TACC1: variants seen among roughly 807,000 people sequenced by gnomAD.
The protein encoded by TACC1 is transforming acidic coiled-coil-containing protein 1.
TACC1 carries 48 observed loss-of-function variants against 84.4 expected under a neutral mutation model. The observed-to-expected ratio is 0.57, with a 90% CI of 0.45 to 0.72. The LOEUF is 0.72. Ranked by LOEUF, TACC1 falls within the 30% of genes least tolerant of loss-of-function variation. The pLI, the probability that TACC1 is intolerant of heterozygous loss-of-function variation, is 0.00. For missense variants in TACC1, 920 were observed against 973.0 expected (o/e 0.95, Z 0.72); for synonymous variants, 372 against 376.3 (o/e 0.99, Z 0.13).
chr8:38,743,713 A>G (rs1807525927), intron 2 of TACC1, among the ~76,000 whole-genome samples: 1 of 152,084 alleles, frequency 6.6e-6, no homozygotes, highest in African/African-American at 2.4e-5. Flanking sequence ...ATATATGTTT[A>G]TTTTTCTCTC....
In TACC1 at chr8:38,819,627, A is replaced by T. The variant is rs2152204011; in HGVS notation, c.383A>T (p.Asp128Val). 1 of 1,614,204 alleles carries T rather than the reference A, an allele frequency of 6.2e-7. No individual in the cohort carries two copies. Among genetic ancestry groups the T allele is most frequent in the South Asian group, 1.1e-5 (1 of 91,078 alleles). ...SENEVPQQAI[D>V]SHSVKNFREE... ...AATGAAGTGCCACAGCAGGCCATTG[A>T]CTCTCACTCAGTCAAGAATTTCAGA... is the stretch of plus-strand genomic sequence containing the variant. The change falls in exon 3 of 13, where the codon GAC becomes GTC. Residue 128 changes from aspartate to valine, a missense_variant. This residue lies in a region of TACC1 where 762 missense variants were observed against 747.3 expected (regional missense o/e 1.02). Transcript: ENST00000317827.
rs895865954 is a variant in TACC1 at position 38,751,758 on chromosome 8, C to T, written c.26+6265C>T. ...GAGAAACCAAAAATTTTGTGTGATT[C>T]GCTATATTGCAATATTCACTTTATT... On this transcript the variant is annotated intron_variant, in intron 3 of 14. Coordinates refer to the TACC1 transcript ENST00000518415. Among the ~76,000 whole-genome samples, 6 of 151,602 alleles carry T rather than the reference C, an allele frequency of 4.0e-5. No homozygotes were observed. In the East Asian group the frequency reaches 5.8e-4, roughly 15 times the overall value.
intron 11 of TACC1, among the ~76,000 whole-genome samples, chr8:38,844,635 G>A (rs778110391): frequency 5.3e-5 from 8 of 151,676 alleles, no homozygotes; most frequent in Admixed American, 3.3e-4. Flanking sequence ...TATATATTAG[G>A]GACACCAGCC....
intron 3 of TACC1, among the ~76,000 whole-genome samples, chr8:38,776,456 G>C (rs1317646280): frequency 3.9e-5 from 6 of 152,186 alleles, no homozygotes; most frequent in Admixed American, 6.5e-5. Flanking sequence ...AGGACCAGAA[G>C]TGTTTCAGAT....
chr8:38,811,067 G>A (rs59103569), intron 2 of TACC1, among the ~76,000 whole-genome samples: 5,343 of 151,500 alleles, frequency 0.035, 309 homozygotes, highest in African/African-American at 0.12. Flanking sequence ...GGAGTGAGCC[G>A]GGATCACGCT....
chr8:38,802,003 T>C (rs1821485439), intron 2 of TACC1, among the ~76,000 whole-genome samples: 1 of 152,132 alleles, frequency 6.6e-6, no homozygotes, highest in Admixed American at 6.6e-5. Context: ...AGCCTCAACC[T>C]CCCAGGCTTA....
At chr8:38,746,894 G>T (rs1808188912) in intron 3 of TACC1, among the ~76,000 whole-genome samples, 1 of 151,958 alleles carries the variant, frequency 6.6e-6, no homozygotes, top group Admixed American at 6.6e-5. Context: ...AAGAAATGAA[G>T]AAACAAATGT....
At chr8:38,741,157 ATTT>A (rs34749807) in intron 1 of TACC1, among the ~76,000 whole-genome samples, 3 of 137,774 alleles carry the variant, frequency 2.2e-5, no homozygotes, top group Non-Finnish European at 1.6e-5. Context: ...TCATGCTGCT[ATTT>A]TTTTTTTTTT....
intron 2 of TACC1, among the ~76,000 whole-genome samples, chr8:38,796,025 T>C (rs764539950): frequency 6.6e-6 from 1 of 152,212 alleles, no homozygotes; most frequent in Non-Finnish European, 1.5e-5. Flanking sequence ...AATATGACAA[T>C]AAATGATTGA....
chr8:38,756,670 A>G (rs1203464030), intron 3 of TACC1, among the ~76,000 whole-genome samples: 1 of 152,208 alleles, frequency 6.6e-6, no homozygotes, highest in African/African-American at 2.4e-5. Flanking sequence ...TGTTTTATGG[A>G]TAAAGAAAAC....
At position 38,787,449 on chromosome 8, in the gene TACC1, G is replaced by T; in HGVS notation, c.-134G>T. ...TCCACCAGGGCCCCCGACGGCACTCGTTTAACCACATCCGCGCCTCTGCTG... is the reference window on the plus strand; with the variant it reads ...TCCACCAGGGCCCCCGACGGCACTCTTTTAACCACATCCGCGCCTCTGCTG... On this transcript the variant is annotated 5_prime_UTR_variant, in exon 1 of 13. Coordinates refer to ENST00000317827, the MANE Select transcript of TACC1 (RefSeq NM_006283.3). The T allele has an allele frequency of 7.2e-7, 1 of 1,383,920 alleles. No individual in the cohort carries two copies. The highest frequency in any genetic ancestry group is 9.3e-7 in the Non-Finnish European group (1 of 1,076,076). 85.7% of individuals were successfully genotyped at this position (1,383,920 alleles called of 1,614,324 possible).
chr8:38,756,895 C>T (rs1017561459), intron 3 of TACC1, among the ~76,000 whole-genome samples: 4 of 152,214 alleles, frequency 2.6e-5, no homozygotes, highest in African/African-American at 9.6e-5. Flanking sequence ...AACAGCAGCT[C>T]CCGGGGCCTC....
At chr8:38,783,046 A>G (rs1196365513), upstream of TACC1, among the ~76,000 whole-genome samples, 2 of 150,990 alleles carry the variant, frequency 1.3e-5, no homozygotes, top group African/African-American at 2.4e-5. Flanking sequence ...TGGCTCTTCA[A>G]TGACACTAGT....
chr8:38,846,492 A>G (rs1832323212), intron 11 of TACC1: 1 of 495,916 alleles, frequency 2.0e-6, no homozygotes, highest in Non-Finnish European at 3.5e-6. Flanking sequence ...CTAGTGAGAT[A>G]CAAATTTTGA....
intron 11 of TACC1, 38 bp from the exon 12 acceptor site, chr8:38,846,658 GTGC>G (rs1445054450): frequency 1.8e-5 from 29 of 1,611,006 alleles, no homozygotes; most frequent in Non-Finnish European, 2.2e-5. Context: ...GGCTAATCAT[GTGC>G]TTTTTGTCTC....
chr8:38,814,070 G>C (rs756488015), intron 2 of TACC1, among the ~76,000 whole-genome samples: 34 of 152,244 alleles, frequency 2.2e-4, no homozygotes, highest in Non-Finnish European at 4.9e-4. Context: ...TCTTAATTCA[G>C]ATTCTTGAGA....
chr8:38,827,756 T>G (rs34493171), intron 5 of TACC1: 32,112 of 222,184 alleles, frequency 0.14, 2,824 homozygotes, highest in South Asian at 0.28. Context: ...TTCATGGTTC[T>G]GCAGACTGTA....
rs762834102 is a variant in TACC1, at chr8:38,842,453, G to A, written c.2121+6G>A. ...TTCTGGAAGGGTTCAAGAAGGTAGA[G>A]TGTTTTTTCCCTCTGTCTCCTGGTG... On this transcript the variant is annotated splice_donor_region_variant and intron_variant, in intron 10 of 12. Transcript: ENST00000317827. The A allele has an allele frequency of 6.2e-7, 1 of 1,600,290 alleles. No individual in the cohort carries two copies. Among genetic ancestry groups the A allele is most frequent in the Non-Finnish European group, 8.5e-7 (1 of 1,174,402 alleles).
At chr8:38,827,837 G>C in intron 5 of TACC1, 1 of 162,710 alleles carries the variant, frequency 6.1e-6, no homozygotes, top group South Asian at 1.6e-4. Context: ...TGGAAGGCAA[G>C]GGGGAGCAAG....
Sources: allele counts gnomAD v4.1 joint callset (sites outside exome capture counted in the v4.1 genomes callset), GRCh38; gene constraint gnomAD v4.1.1; regional missense constraint gnomAD v4.1.1; transcripts MANE v1.5; gene names NCBI Gene and HGNC (gene_info 2026-07-23, HGNC 2026-07-21).